Variants in TMEM74 observed in about 807,000 individuals in gnomAD.
TMEM74 encodes transmembrane protein 74.
TMEM74 carries 13 observed loss-of-function variants against 18.1 expected under a neutral mutation model. The ratio of observed to expected loss-of-function variants is 0.72; its 90% CI spans 0.47 to 1.14. The LOEUF (loss-of-function observed/expected upper bound fraction) is 1.14, where lower values mean the gene tolerates loss of function less well. Ranked by LOEUF, TMEM74 falls within the 50% of genes most tolerant of loss-of-function variation. TMEM74 has a pLI of 0.00. For synonymous variants in TMEM74, 159 were observed against 146.6 expected (o/e 1.08, Z -0.61); for missense variants, 372 against 375.9 (o/e 0.99, Z 0.09).
intron 1 of TMEM74, among the ~76,000 whole-genome samples, chr8:108,702,533 A>T (rs1311330147): frequency 1.3e-5 from 2 of 152,114 alleles, no homozygotes; most frequent in South Asian, 2.1e-4. Flanking sequence ...ACAAAAATTA[A>T]TTCGAAATGG....
intron 1 of TMEM74, among the ~76,000 whole-genome samples, chr8:108,757,876 CT>C (rs1351331038): frequency 6.6e-6 from 1 of 152,002 alleles, no homozygotes; most frequent in Non-Finnish European, 1.5e-5. Flanking sequence ...ATGTTTCTCA[CT>C]GAAGCTTTGA....
At chr8:108,765,097 A>C (rs1352092327) in intron 1 of TMEM74, among the ~76,000 whole-genome samples, 2 of 152,266 alleles carry the variant, frequency 1.3e-5, no homozygotes, top group African/African-American at 4.8e-5. Context: ...GTGCTTGATT[A>C]ACTTGTGGTT....
intron 1 of TMEM74, among the ~76,000 whole-genome samples, chr8:108,769,068 C>T (rs755973069): frequency 7.9e-5 from 12 of 151,580 alleles, no homozygotes; most frequent in South Asian, 2.1e-4. Flanking sequence ...TTTGGGAGGC[C>T]GAGGTGGGTG....
intron 1 of TMEM74, among the ~76,000 whole-genome samples, chr8:108,679,368 T>C (rs1334842546): frequency 2.0e-5 from 3 of 152,198 alleles, no homozygotes; most frequent in African/African-American, 7.2e-5. Flanking sequence ...CCACCAACAG[T>C]GTAAAAGTGT....
At chr8:108,668,468 G>T (rs969142570) in intron 1 of TMEM74, among the ~76,000 whole-genome samples, 2 of 152,080 alleles carry the variant, frequency 1.3e-5, no homozygotes, top group Non-Finnish European at 2.9e-5. Context: ...AGCCACAACA[G>T]CAACAATAGC....
chr8:108,744,844 A>T (rs1813834243), intron 1 of TMEM74, among the ~76,000 whole-genome samples: 1 of 152,284 alleles, frequency 6.6e-6, no homozygotes, highest in African/African-American at 2.4e-5. Flanking sequence ...CCCTTTGTAG[A>T]TGTCTGAGGC....
At position 108,745,280 on chromosome 8, in the gene TMEM74, C is replaced by A. The variant is rs115560218; in HGVS notation, n.119+42196G>T. On this transcript the variant is annotated intron_variant and non_coding_transcript_variant, in intron 1 of 3. Transcript: ENST00000518838. ...GGCCAGAGTAAATATGCAGGCCTTG[C>A]TGGTAATTATGGTCTCTGTTGTAAC... Among the ~76,000 whole-genome samples the A allele has an allele frequency of 4.2e-3, 632 of 152,190 alleles. 8 individuals are homozygous for A. The highest frequency in any genetic ancestry group is 0.014 in the African/African-American group (593 of 41,526).
intron 1 of TMEM74, among the ~76,000 whole-genome samples, chr8:108,734,492 C>T (rs1476985801): frequency 1.3e-5 from 2 of 152,220 alleles, no homozygotes; most frequent in Non-Finnish European, 2.9e-5. Context: ...TCATTCATGT[C>T]ATTCTTTGAC....
At chr8:108,751,078 C>T (rs755546973) in intron 1 of TMEM74, among the ~76,000 whole-genome samples, 8 of 152,136 alleles carry the variant, frequency 5.3e-5, no homozygotes, top group South Asian at 2.1e-4. Flanking sequence ...CCACCGGTAA[C>T]GCGTTCATGG....
chr8:108,743,278 C>T (rs761582912), intron 1 of TMEM74, among the ~76,000 whole-genome samples: 1 of 152,114 alleles, frequency 6.6e-6, no homozygotes, highest in Non-Finnish European at 1.5e-5. Flanking sequence ...GGCCTTTTCT[C>T]TTAAGAAAGT....
chr8:108,740,825 A>G (rs1346407220), intron 1 of TMEM74, among the ~76,000 whole-genome samples: 1 of 152,194 alleles, frequency 6.6e-6, no homozygotes, highest in Non-Finnish European at 1.5e-5. Flanking sequence ...CTAAAAACCA[A>G]TAAGTTCTTG....
At chr8:108,637,233 C>G (rs1359789275) in intron 2 of TMEM74, among the ~76,000 whole-genome samples, 1 of 152,068 alleles carries the variant, frequency 6.6e-6, no homozygotes, top group Non-Finnish European at 1.5e-5. Context: ...CCAAATAGCA[C>G]TTTTCCCATT....
chr8:108,766,228 C>A (rs1814106072), intron 1 of TMEM74, among the ~76,000 whole-genome samples: 1 of 151,748 alleles, frequency 6.6e-6, no homozygotes, highest in African/African-American at 2.4e-5. Flanking sequence ...TCCTTCCTTT[C>A]TTCTTTCTTT....
chr8:108,660,713 C>T (rs999251780), intron 1 of TMEM74, among the ~76,000 whole-genome samples: 2 of 152,156 alleles, frequency 1.3e-5, no homozygotes, highest in South Asian at 2.1e-4. Flanking sequence ...CATAAACCTG[C>T]CCCTTTTTCA....
intron 1 of TMEM74, among the ~76,000 whole-genome samples, chr8:108,658,629 T>C (rs888747524): frequency 1.2e-4 from 18 of 152,188 alleles, no homozygotes; most frequent in Admixed American, 1.0e-3. Flanking sequence ...TAGTCCTGAA[T>C]GTGAGAAAGG....
At chr8:108,768,868 C>T (rs1413019824) in intron 1 of TMEM74, among the ~76,000 whole-genome samples, 3 of 152,172 alleles carry the variant, frequency 2.0e-5, no homozygotes, top group Admixed American at 6.5e-5. Context: ...GGCATGCCTT[C>T]TTTTCCATGT....
In TMEM74 at chr8:108,784,986, G is replaced by C. The variant is rs779569183; in HGVS notation, c.113C>G (p.Ala38Gly). 50 of 1,614,062 alleles carry C rather than the reference G, an allele frequency of 3.1e-5. No individual in the cohort carries two copies. The highest frequency in any genetic ancestry group is 4.2e-5 in the Non-Finnish European group (50 of 1,180,048). ...ACACTGTTTCTGACAGCAGAGAGCAGCTCTTGTGGCTGCTGTATCTGCCTG... is the reference window on the plus strand; with the variant it reads ...ACACTGTTTCTGACAGCAGAGAGCACCTCTTGTGGCTGCTGTATCTGCCTG... ...GDQADTAATR[A>G]ALCCQKQCAS... The change falls in exon 2 of 2, where the codon GCT becomes GGT. Residue 38 changes from alanine (A) to glycine (G), a missense_variant. By Grantham distance (60) the Ala-to-Gly change is moderately conservative. Transcript: ENST00000297459.
chr8:108,653,752 T>A lies in TMEM74; in HGVS notation n.264+1541A>T, dbSNP rs564144085. 1.2e-4 allele frequency among the ~76,000 whole-genome samples: 19 copies of A among 152,292 alleles called. 1 individual carries two copies. In the Middle Eastern group the frequency reaches 0.01, roughly 82 times the overall value. ...ATTCATTTACTCTGTTGTGCTTTTT[T>A]AAAGAAGTATAACAATAGATACATC... On this transcript the variant is annotated intron_variant and non_coding_transcript_variant, in intron 2 of 3. Coordinates refer to the TMEM74 transcript ENST00000518838.
intron 2 of TMEM74, among the ~76,000 whole-genome samples, chr8:108,635,780 T>G (rs1414651188): frequency 6.6e-6 from 1 of 152,064 alleles, no homozygotes; most frequent in Non-Finnish European, 1.5e-5. Flanking sequence ...GGATTTCTGT[T>G]GGTCTCTCTC....
Sources: allele counts gnomAD v4.1 joint callset (sites outside exome capture counted in the v4.1 genomes callset), GRCh38; gene constraint gnomAD v4.1.1; transcripts MANE v1.5; gene names NCBI Gene and HGNC (gene_info 2026-07-23, HGNC 2026-07-21).